SDAD1: variants seen among roughly 807,000 people sequenced by gnomAD.
The protein encoded by SDAD1 is protein SDA1 homolog.
Under a neutral mutation model 100.3 loss-of-function variants are expected in SDAD1, and 79 were observed. The observed-to-expected ratio is 0.79, with a 90% CI of 0.66 to 0.95. The LOEUF (loss-of-function observed/expected upper bound fraction) is 0.95, where lower values mean the gene tolerates loss of function less well. SDAD1 is among the 40% of genes least tolerant of loss of function. SDAD1 has a pLI of 0.00. For synonymous variants in SDAD1, 267 were observed against 271.4 expected (o/e 0.98, Z 0.16); for missense variants, 790 against 810.9 (o/e 0.97, Z 0.31).
Position 75,967,322 on chromosome 4 carries a change from T to G in SDAD1, c.1000A>C (p.Asn334His). Residue 334 changes from asparagine to histidine, a missense_variant, in exon 12 of 22, where the codon AAT becomes CAT. By Grantham distance (68) the Asn-to-His change is moderately conservative. Coordinates refer to ENST00000356260, the MANE Select transcript of SDAD1 (RefSeq NM_018115.4). Reference sequence around the variant, plus strand: ...AACCTTTGCAAAAAGGGATAGAAATTGAAGAGGAAAAGCTGTGGAGAGAAA... The same window carrying G: ...AACCTTTGCAAAAAGGGATAGAAATGGAAGAGGAAAAGCTGTGGAGAGAAA... ...LVGIHELFLF[N>H]FYPFLQRFLQ... The G allele has an allele frequency of 6.2e-7, 1 of 1,614,040 alleles. No homozygotes were observed. Among genetic ancestry groups the G allele is most frequent in the Non-Finnish European group, 8.5e-7 (1 of 1,179,966 alleles).
intron 18 of SDAD1, 48 bp from the exon 19 acceptor site, chr4:75,957,756 T>A: frequency 6.2e-7 from 1 of 1,611,970 alleles, no homozygotes; most frequent in South Asian, 1.1e-5. Context: ...AAGTGAGAGC[T>A]CAGCCATTTA....
intron 1 of SDAD1, among the ~76,000 whole-genome samples, chr4:75,984,778 A>AACACAAACACACACAC (rs572610212): frequency 1.7e-4 from 23 of 137,024 alleles, no homozygotes; most frequent in African/African-American, 6.2e-4. Context: ...CACACACACA[A>AACACAAACACACACAC]ACACACACAC....
intron 21 of SDAD1, 54 bp from the exon 22 acceptor site, chr4:75,950,851 G>T: frequency 8.0e-7 from 1 of 1,250,544 alleles, no homozygotes; most frequent in Non-Finnish European, 1.1e-6. Context: ...CCTATTATAC[G>T]AATTTGGTTA....
intron 9 of SDAD1, among the ~76,000 whole-genome samples, chr4:75,971,060 G>A (rs574940235): frequency 6.6e-6 from 1 of 152,262 alleles, no homozygotes; most frequent in East Asian, 1.9e-4. Flanking sequence ...AATATGAAAT[G>A]TACTGCATTT....
intron 12 of SDAD1, 86 bp from the exon 13 acceptor site, chr4:75,965,908 G>A: frequency 9.2e-7 from 1 of 1,089,652 alleles, no homozygotes; most frequent in South Asian, 1.3e-5. Flanking sequence ...GCTCATTCTG[G>A]TCTAAATGGT....
intron 7 of SDAD1, among the ~76,000 whole-genome samples, chr4:75,973,845 C>A (rs938303034): frequency 1.3e-4 from 19 of 151,822 alleles, no homozygotes; most frequent in African/African-American, 4.3e-4. Flanking sequence ...TTCAGATGAC[C>A]CAGGAAAGCA....
chr4:75,989,877 G>A (rs778350803), intron 1 of SDAD1, among the ~76,000 whole-genome samples: 1 of 152,184 alleles, frequency 6.6e-6, no homozygotes, highest in African/African-American at 2.4e-5. Flanking sequence ...ATTTAGGGGA[G>A]GAGGGAAGTG....
At chr4:75,981,519 A>C in intron 2 of SDAD1, 49 bp from the exon 3 acceptor site, 1 of 1,610,356 alleles carries the variant, frequency 6.2e-7, no homozygotes, top group Non-Finnish European at 8.5e-7. Context: ...TCTCTCCTAT[A>C]ATTCAGATGC....
rs751504145 is a variant in SDAD1, at chr4:75,957,546, T to G, written c.1741A>C (p.Ile581Leu). ...GGCTCTTCATCACTGTCTATTTCAATGTATTTCCTCTTCTGGGATTTCCCG... is the reference window on the plus strand; with the variant it reads ...GGCTCTTCATCACTGTCTATTTCAAGGTATTTCCTCTTCTGGGATTTCCCG... ...APGKSQKRKY[I>L]EIDSDEEPRG... Residue 581 changes from isoleucine (I) to leucine (L), a missense_variant, in exon 19 of 22, where the codon ATT becomes CTT. Physicochemically the swap from Ile to Leu is conservative, Grantham distance 5 (BLOSUM62 2). Transcript: ENST00000356260. 8 of 1,614,222 alleles carry G rather than the reference T, an allele frequency of 5.0e-6. No homozygotes were observed. In the South Asian group the frequency reaches 7.7e-5, roughly 16 times the overall value.
At chr4:75,966,622 T>C (rs905429384) in intron 12 of SDAD1, among the ~76,000 whole-genome samples, 2 of 152,218 alleles carry the variant, frequency 1.3e-5, no homozygotes, top group African/African-American at 2.4e-5. Context: ...TGAGAATGCA[T>C]GCAAGGTCAA....
At chr4:75,980,976 T>C (rs1482224253) in intron 3 of SDAD1, 1 of 162,028 alleles carries the variant, frequency 6.2e-6, no homozygotes, top group Non-Finnish European at 1.4e-5. Flanking sequence ...GTAAGTTTAC[T>C]AATTTAAGGC....
Position 75,960,148 on chromosome 4 carries a change from A to G in SDAD1, c.1401T>C (p.Tyr467=). 2 of 1,612,112 alleles carry G rather than the reference A, an allele frequency of 1.2e-6. No individual in the cohort carries two copies. The highest frequency in any genetic ancestry group is 1.7e-6 in the Non-Finnish European group (2 of 1,179,384). ...EASIEARVQE[Y]GELDAKDYIP... ...TGTAATCTTTAGCATCTAATTCTCCATATTCTTGTACTCTTGCTTCTATGG... is the reference window on the plus strand; with the variant it reads ...TGTAATCTTTAGCATCTAATTCTCCGTATTCTTGTACTCTTGCTTCTATGG... Residue 467 remains tyrosine (Y), a synonymous_variant, in exon 17 of 22, where the codon TAT becomes TAC. Transcript: ENST00000356260.
intron 12 of SDAD1, 134 bp from the exon 13 acceptor site, chr4:75,965,956 A>G (rs1318336568): frequency 7.0e-5 from 48 of 681,116 alleles, no homozygotes; most frequent in South Asian, 2.4e-4. Context: ...CAATCCCCAG[A>G]TATCTGCTTG....
chr4:75,980,141 G>A (rs115938800), intron 3 of SDAD1, among the ~76,000 whole-genome samples: 1 of 152,142 alleles, frequency 6.6e-6, no homozygotes. Flanking sequence ...AGGACTTCAA[G>A]AGTAACATGA....
intron 19 of SDAD1, 39 bp downstream of exon 19, chr4:75,957,479 T>A: frequency 6.2e-7 from 1 of 1,611,850 alleles, no homozygotes; most frequent in Non-Finnish European, 8.5e-7. Flanking sequence ...CATTACCACA[T>A]GAGCTGACTG....
At chr4:75,986,959 A>G (rs958560962) in intron 1 of SDAD1, among the ~76,000 whole-genome samples, 43 of 152,192 alleles carry the variant, frequency 2.8e-4, no homozygotes, top group African/African-American at 1.0e-3. Context: ...TTGAGGCTGC[A>G]GTGAGCCGTG....
In SDAD1 at chr4:75,967,300, C is replaced by G. The variant is rs1234227407; in HGVS notation, c.1022G>C (p.Arg341Thr). The G allele has an allele frequency of 6.2e-7, 1 of 1,613,672 alleles. No homozygotes were observed. Among genetic ancestry groups the G allele is most frequent in the Non-Finnish European group, 8.5e-7 (1 of 1,179,926 alleles). ...ACCTCTTTGGTGGGGCTGCAGAAAC[C>G]TTTGCAAAAAGGGATAGAAATTGAA... is the stretch of plus-strand genomic sequence containing the variant. ...FLFNFYPFLQRFLQPHQREVT... is the reference protein window; with the variant it reads ...FLFNFYPFLQTFLQPHQREVT... The change falls in exon 12 of 22, where the codon AGG becomes ACG. Residue 341 changes from arginine to threonine, a missense_variant. Physicochemically the swap from Arg to Thr is moderately conservative, Grantham distance 71. Coordinates refer to ENST00000356260, the MANE Select transcript of SDAD1 (RefSeq NM_018115.4).
At position 75,969,366 on chromosome 4, in the gene SDAD1, C is replaced by G; in HGVS notation, c.917G>C (p.Cys306Ser). 1 of 1,613,724 alleles carries G rather than the reference C, an allele frequency of 6.2e-7. No individual in the cohort carries two copies. Among genetic ancestry groups the G allele is most frequent in the Non-Finnish European group, 8.5e-7 (1 of 1,179,802 alleles). Residue 306 changes from cysteine to serine, a missense_variant, in exon 11 of 22, where the codon TGC becomes TCC. By Grantham distance (112) the Cys-to-Ser change is moderately radical. Transcript: ENST00000356260. The stretch of plus-strand genomic sequence containing the variant: ...CTTCACTTCAAACCTCTCCTTACAG[C>G]ACTCAAGCTGCTTTAGTAGTTTTTC... The part of the protein sequence containing the change: ...FAEKLLKQLE[C>S]CKERFEVKMM...
At chr4:75,955,242 G>A (rs1015704805) in intron 21 of SDAD1, among the ~76,000 whole-genome samples, 18 of 152,132 alleles carry the variant, frequency 1.2e-4, no homozygotes, top group Admixed American at 5.9e-4. Context: ...ATAATCAAAC[G>A]ACCCTAAATC....
Sources: gnomAD v4.1 joint callset for allele counts (sites outside exome capture counted in the v4.1 genomes callset) on GRCh38, gnomAD v4.1.1 for gene constraint, MANE v1.5 for transcripts, NCBI Gene and HGNC (gene_info 2026-07-23, HGNC 2026-07-21) for gene names.